Variants in NCOR1 observed in about 807,000 individuals in gnomAD.
NCOR1 encodes the protein nuclear receptor corepressor 1.
NCOR1 carries 63 observed loss-of-function variants against 288.1 expected under a neutral mutation model. The ratio of observed to expected loss-of-function variants is 0.22; its 90% CI spans 0.18 to 0.27. NCOR1 has a LOEUF of 0.27. Among genes scored for constraint, NCOR1 ranks in the 10% least tolerant of loss-of-function variants. The pLI is 1.00. For synonymous variants in NCOR1, 1,007 were observed against 1,065.9 expected (o/e 0.94, Z 1.08); for missense variants, 2,397 against 3,019.2 (o/e 0.79, Z 4.83).
At chr17:16,094,460 T>C (rs955684056) in intron 21 of NCOR1, among the ~76,000 whole-genome samples, 2 of 152,164 alleles carry the variant, frequency 1.3e-5, no homozygotes, top group African/African-American at 2.4e-5. Flanking sequence ...TTTGAATAAA[T>C]AGAAAATAAC....
At chr17:16,102,488 AT>A (rs757390625) in intron 19 of NCOR1, among the ~76,000 whole-genome samples, 3 of 152,088 alleles carry the variant, frequency 2.0e-5, no homozygotes, top group Non-Finnish European at 2.9e-5. Context: ...TATATGTGAA[AT>A]ATCATTTTAA....
chr17:16,097,711 C>A (rs2066892554), intron 21 of NCOR1, among the ~76,000 whole-genome samples: 2 of 152,146 alleles, frequency 1.3e-5, no homozygotes, highest in South Asian at 4.1e-4. Flanking sequence ...ATAAGTAAAG[C>A]ATTTTCCTAA....
At chr17:16,101,992 G>C (rs1455680791) in intron 19 of NCOR1, among the ~76,000 whole-genome samples, 1 of 152,096 alleles carries the variant, frequency 6.6e-6, no homozygotes, top group Non-Finnish European at 1.5e-5. Context: ...AAATTATCTT[G>C]ACCTTCTGAA....
intron 44 of NCOR1, among the ~76,000 whole-genome samples, chr17:16,037,638 AC>A (rs902903899): frequency 6.6e-6 from 1 of 152,196 alleles, no homozygotes; most frequent in Non-Finnish European, 1.5e-5. Context: ...CTAATGACCA[AC>A]CCCCCTTTCC....
At chr17:16,119,705 TCTC>T (rs2072579297) in intron 16 of NCOR1, among the ~76,000 whole-genome samples, 2 of 152,188 alleles carry the variant, frequency 1.3e-5, no homozygotes, top group Admixed American at 6.5e-5. Context: ...TGTTAAAAGT[TCTC>T]TTCATGTCTA....
intron 3 of NCOR1, among the ~76,000 whole-genome samples, chr17:16,174,504 T>C (rs901391236): frequency 1.3e-5 from 2 of 152,146 alleles, no homozygotes; most frequent in African/African-American, 4.8e-5. Context: ...CCATACCCAG[T>C]ACTGGAGAAG....
chr17:16,140,179 T>C (rs1460726313), intron 11 of NCOR1, among the ~76,000 whole-genome samples: 1 of 152,188 alleles, frequency 6.6e-6, no homozygotes, highest in African/African-American at 2.4e-5. Context: ...ATCATGTACT[T>C]ACAGATGTTT....
At chr17:16,169,100 A>G (rs1287850515) in intron 4 of NCOR1, among the ~76,000 whole-genome samples, 2 of 152,250 alleles carry the variant, frequency 1.3e-5, no homozygotes, top group Non-Finnish European at 2.9e-5. Context: ...CTAAGTAGCC[A>G]CTAACAATAC....
intron 38 of NCOR1, 60 bp from the exon 39 acceptor site, chr17:16,058,124 A>G (rs767467627): frequency 1.3e-6 from 2 of 1,550,524 alleles, no homozygotes; most frequent in Admixed American, 1.7e-5. Flanking sequence ...ACTCATTATC[A>G]AAGATTAAAT....
rs537649466 is a variant in NCOR1, at chr17:16,204,738, C to T, written c.-70-10099G>A. On this transcript the variant is annotated intron_variant, in intron 1 of 45. Transcript: ENST00000268712. ...AGTCACAGCTAACATTTATTATTTA[C>T]TTACTTTGTGCCAGCCACTATGCCT... Among the ~76,000 whole-genome samples the T allele has an allele frequency of 2.0e-5, 3 of 152,308 alleles. No individual in the cohort carries two copies. In the South Asian group the frequency reaches 6.2e-4, roughly 32 times the overall value.
At chr17:16,139,397 G>A (rs905746380) in intron 11 of NCOR1, among the ~76,000 whole-genome samples, 7 of 152,046 alleles carry the variant, frequency 4.6e-5, no homozygotes, top group Admixed American at 6.6e-5. Flanking sequence ...TATCCATATC[G>A]TTTTTTAAAT....
chr17:16,180,369 G>A (rs538707108), intron 3 of NCOR1, among the ~76,000 whole-genome samples: 3 of 152,194 alleles, frequency 2.0e-5, no homozygotes, highest in South Asian at 2.1e-4. Flanking sequence ...AGTATGGAAG[G>A]CCCCAAAGAA....
At chr17:16,094,978 G>C (rs557601335) in intron 21 of NCOR1, among the ~76,000 whole-genome samples, 1 of 152,044 alleles carries the variant, frequency 6.6e-6, no homozygotes, top group Non-Finnish European at 1.5e-5. Flanking sequence ...GCCTCTGCCC[G>C]GCCGCCACCC....
At chr17:16,098,581 A>G in intron 20 of NCOR1, 85 bp from the exon 21 acceptor site, 2 of 1,200,946 alleles carry the variant, frequency 1.7e-6, no homozygotes, top group Non-Finnish European at 2.4e-6. Context: ...CTAAGTTAGT[A>G]TGTACATACA....
intron 19 of NCOR1, among the ~76,000 whole-genome samples, chr17:16,104,010 C>G (rs1224648683): frequency 6.6e-6 from 1 of 152,116 alleles, no homozygotes; most frequent in Non-Finnish European, 1.5e-5. Flanking sequence ...CCCCACCCCC[C>G]CAAAAAAGCC....
chr17:16,053,647 C>T lies in NCOR1; in HGVS notation c.6392+3867G>A, dbSNP rs573658510. Among the ~76,000 whole-genome samples, 32 of 152,202 alleles carry T rather than the reference C, an allele frequency of 2.1e-4. No individual in the cohort carries two copies. In the East Asian group the frequency reaches 5.8e-3, roughly 28 times the overall value. ...TGCAATTCACAAATTCAATGCTATT[C>T]CTATTAAACTACCGAAGACATTCTT... On this transcript the variant is annotated intron_variant, in intron 40 of 45. Coordinates refer to ENST00000268712, the MANE Select transcript of NCOR1 (RefSeq NM_006311.4).
chr17:16,145,750 G>C (rs148469426), intron 10 of NCOR1, among the ~76,000 whole-genome samples: 16 of 152,092 alleles, frequency 1.1e-4, no homozygotes, highest in South Asian at 4.1e-4. Flanking sequence ...CGCCCCATCC[G>C]GGGGGTGGGG....
chr17:16,200,070 T>C (rs773526530), intron 1 of NCOR1, among the ~76,000 whole-genome samples: 1 of 151,468 alleles, frequency 6.6e-6, no homozygotes, highest in Non-Finnish European at 1.5e-5. Context: ...TCAAATACTA[T>C]CCTGCCAAAA....
chr17:16,054,548 T>C (rs1343516586), intron 40 of NCOR1, among the ~76,000 whole-genome samples: 5 of 151,124 alleles, frequency 3.3e-5, no homozygotes, highest in Non-Finnish European at 7.4e-5. Flanking sequence ...AGTGGGCAAA[T>C]GACATGAACA....
Sources: allele counts gnomAD v4.1 joint callset (sites outside exome capture counted in the v4.1 genomes callset), GRCh38; gene constraint gnomAD v4.1.1; transcripts MANE v1.5; gene names NCBI Gene and HGNC (gene_info 2026-07-23, HGNC 2026-07-21).